CENPT: variants seen among roughly 807,000 people sequenced by gnomAD.
CENPT encodes the protein centromere protein T, also known as interphase centromere complex protein 22.
In CENPT, 42 loss-of-function variants were observed where a neutral mutation model predicts 59.7. The observed-to-expected ratio is 0.70, with a 90% CI of 0.55 to 0.91. The LOEUF is 0.91. CENPT is among the 40% of genes least tolerant of loss of function. The pLI, the probability that CENPT is intolerant of heterozygous loss-of-function variation, is 0.00. For missense variants in CENPT, 716 were observed against 713.4 expected (o/e 1.00, Z -0.04); for synonymous variants, 295 against 289.6 (o/e 1.02, Z -0.19).
At chr16:67,831,054 C>G in intron 10 of CENPT, 162 bp downstream of exon 10, 1 of 881,480 alleles carries the variant, frequency 1.1e-6, no homozygotes, top group Non-Finnish European at 1.8e-6. Context: ...AAGAGGCCCC[C>G]TGTAGAAAGC....
intron 1 of CENPT, chr16:67,841,667 T>C (rs1257827652): frequency 6.6e-6 from 1 of 152,268 alleles, no homozygotes; most frequent in Non-Finnish European, 1.5e-5. Context: ...AGGAGCCCAG[T>C]CGGTCTGACT....
intron 1 of CENPT, among the ~76,000 whole-genome samples, chr16:67,839,115 G>T (rs969414624): frequency 6.6e-6 from 1 of 151,512 alleles, no homozygotes; most frequent in Non-Finnish European, 1.5e-5. Flanking sequence ...GGTCGGGTGC[G>T]GTGGCTCACG....
chr16:67,831,097 A>C, intron 10 of CENPT, 119 bp downstream of exon 10: 8 of 1,311,296 alleles, frequency 6.1e-6, no homozygotes, highest in Non-Finnish European at 6.5e-6. Context: ...CACTGACCAG[A>C]GTTGCTCGCT....
intron 3 of CENPT, 146 bp downstream of exon 3, chr16:67,835,026 A>G (rs987525537): frequency 6.6e-6 from 1 of 152,270 alleles, no homozygotes; most frequent in East Asian, 1.9e-4. Context: ...TTTTAAGTAG[A>G]GACAGGGTTT....
At chr16:67,831,919 G>A (rs1162562085) in intron 7 of CENPT, 29 bp from the exon 8 acceptor site, 1 of 1,603,496 alleles carries the variant, frequency 6.2e-7, no homozygotes. Flanking sequence ...TCTCAGACAG[G>A]CCAGGAAGTC....
chr16:67,843,018 C>G lies in CENPT; in HGVS notation c.-492+4383G>C, dbSNP rs763038750. ...CCGAACCTGGTATCTGCTTCCGCGGCCGTGCTTCTCACCCTTCAGGCCACT... is the reference window on the plus strand; with the variant it reads ...CCGAACCTGGTATCTGCTTCCGCGGGCGTGCTTCTCACCCTTCAGGCCACT... On this transcript the variant is annotated intron_variant, in intron 1 of 15. Transcript: ENST00000562787. This position sits in a 1 kb window ranked among gnomAD's most constrained non-coding sequence, Gnocchi z 5.7. 9.3e-6 allele frequency: 15 copies of G among 1,612,608 alleles called. 1 individual carries two copies. The South Asian group carries it at 1.5e-4, about 17-fold the overall frequency.
chr16:67,834,390 T>C (rs896245068), intron 3 of CENPT, among the ~76,000 whole-genome samples: 2 of 152,156 alleles, frequency 1.3e-5, no homozygotes, highest in African/African-American at 4.8e-5. Context: ...GGAGGATAGC[T>C]TGAGCTCAGG....
At chr16:67,830,677 G>A in intron 10 of CENPT, 129 bp from the exon 11 acceptor site, 1 of 909,476 alleles carries the variant, frequency 1.1e-6, no homozygotes, top group Non-Finnish European at 1.7e-6. Flanking sequence ...GGCTGCATGG[G>A]TCCACCCTGA....
rs2151285137 is a variant in CENPT, at chr16:67,831,569, G to A, written c.560+7C>T. ...ACTCCCAGAACAGGAAACACCCAGA[G>A]CAGCACCTGGTGAGGGAAGAGGCAT... On this transcript the variant is annotated splice_region_variant and intron_variant, in intron 9 of 15. Coordinates refer to ENST00000562787, the MANE Select transcript of CENPT (RefSeq NM_025082.4). 1 of 1,614,068 alleles carries A rather than the reference G, an allele frequency of 6.2e-7. No individual in the cohort carries two copies. Among genetic ancestry groups the A allele is most frequent in the Non-Finnish European group, 8.5e-7 (1 of 1,179,944 alleles).
chr16:67,843,095 A>T lies in CENPT; in HGVS notation c.-492+4306T>A. On this transcript the variant is annotated intron_variant, in intron 1 of 15. Transcript: ENST00000562787. This position sits in a 1 kb window ranked among gnomAD's most constrained non-coding sequence, Gnocchi z 5.7. ...CGTACAGCCGGCGCCCATCACTCCC[A>T]CTGGAGAAGACGTGAAGCCCATCGA... 2 of 1,610,690 alleles carry T rather than the reference A, an allele frequency of 1.2e-6. No individual in the cohort carries two copies. Among genetic ancestry groups the T allele is most frequent in the Non-Finnish European group, 1.7e-6 (2 of 1,179,916 alleles).
chr16:67,839,011 G>A (rs1009482324), intron 1 of CENPT, among the ~76,000 whole-genome samples: 1 of 152,048 alleles, frequency 6.6e-6, no homozygotes, highest in Non-Finnish European at 1.5e-5. Context: ...AGCACTTTAG[G>A]AGGCCAAGGT....
chr16:67,836,842 C>T (rs766301593), intron 1 of CENPT, among the ~76,000 whole-genome samples: 16 of 151,604 alleles, frequency 1.1e-4, no homozygotes, highest in African/African-American at 3.4e-4. Flanking sequence ...CAAAGGTTCA[C>T]GCCATTCTCC....
In CENPT at chr16:67,831,264, C is replaced by T. The variant is rs780167096; in HGVS notation, c.655G>A (p.Val219Met). Residue 219 changes from valine (V) to methionine (M), a missense_variant, in exon 10 of 16, where the codon GTG (valine) becomes ATG (methionine). Transcript: ENST00000562787. ...RRPPARRAVDVGAFLRDLRDT... is the reference protein window; with the variant it reads ...RRPPARRAVDMGAFLRDLRDT... Reference sequence around the variant, plus strand: ...CGCAGATCCCGCAAAAAGGCACCCACGTCTACAGCTCGGCGGGCTGGAGGT... The same window carrying T: ...CGCAGATCCCGCAAAAAGGCACCCATGTCTACAGCTCGGCGGGCTGGAGGT... 11 of 1,614,164 alleles carry T rather than the reference C, an allele frequency of 6.8e-6. No individual in the cohort carries two copies. Among genetic ancestry groups the T allele is most frequent in the Middle Eastern group, 1.7e-4 (1 of 6,060 alleles).
chr16:67,841,175 C>A (rs183202116), intron 1 of CENPT, among the ~76,000 whole-genome samples: 1 of 107,392 alleles, frequency 9.3e-6, no homozygotes, highest in African/African-American at 3.7e-5. Flanking sequence ...AGTCTGGCGA[C>A]ACAGTGAGAC....
At chr16:67,830,706 A>C (rs755011515) in intron 10 of CENPT, 158 bp from the exon 11 acceptor site, 13 of 682,548 alleles carry the variant, frequency 1.9e-5, no homozygotes, top group Admixed American at 6.2e-5. Context: ...CAGAGAAAGA[A>C]GACGACCTAG....
chr16:67,834,816 C>T lies in CENPT; in HGVS notation c.-242+356G>A, dbSNP rs377676626. On this transcript the variant is annotated intron_variant, in intron 3 of 15. Transcript: ENST00000562787. The stretch of plus-strand genomic sequence containing the variant: ...TCTATTAATGTTTTCCCCATTACCA[C>T]CACATCTAGCAAAATAAATAAATAA... Among the ~76,000 whole-genome samples, 189 of 152,254 alleles carry T rather than the reference C, an allele frequency of 1.2e-3. 2 individuals carry two copies. The Middle Eastern group carries it at 0.031, about 25-fold the overall frequency.
chr16:67,842,454 TCGCGCGGCGCCGCCCGTCGAGGGG>T lies in CENPT; in HGVS notation c.-492+4923_-492+4946del, dbSNP rs1490774928. 1.0e-6 allele frequency: 1 copy of T among 984,528 alleles called. No homozygotes were observed. Among genetic ancestry groups the T allele is most frequent in the Non-Finnish European group, 1.3e-6 (1 of 765,654 alleles). 61.0% of individuals were successfully genotyped at this position (984,528 alleles called of 1,614,324 possible). A position where few individuals can be genotyped will look rare whatever the true frequency, so the allele number is the denominator to read the frequency against. ...CAGTGGTGGGATACCACCCAAGGCC[TCGCGCGGCGCCGCCCGTCGAGGGG>T]CGGGCGGCGGCGTAGCCACTGGGCC... On this transcript the variant is annotated intron_variant, in intron 1 of 15. Transcript: ENST00000562787. The surrounding 1 kb of genome is among the most constrained non-coding windows in gnomAD (Gnocchi z 4.9).
At position 67,829,469 on chromosome 16, in the gene CENPT, G is replaced by T. The variant is rs532792883; in HGVS notation, c.1234C>A (p.Arg412=). The part of the protein sequence containing the change: ...SSTPESLQAR[R]HHQFLEPAPA... ...GCTGGCTCAAGAAACTGATGATGTC[G>T]CCTGGCCTGGAGAGACTCAGGGGTG... Residue 412 remains arginine, a synonymous_variant, in exon 13 of 16, where the codon CGA becomes AGA. Transcript: ENST00000562787. 10 of 1,585,104 alleles carry T rather than the reference G, an allele frequency of 6.3e-6. No individual in the cohort carries two copies. The East Asian group carries it at 1.8e-4, about 28-fold the overall frequency.
rs73593818 is a variant in CENPT, at chr16:67,842,118, G to A, written c.-492+5283C>T. 5,699 of 152,506 alleles carry A rather than the reference G, an allele frequency of 0.037. 347 individuals are homozygous for A. Among genetic ancestry groups the A allele is most frequent in the African/African-American group, 0.13 (5,414 of 41,570 alleles). The allele number at this position is 152,506 out of a possible 1,614,324, so 9.4% of individuals were successfully genotyped here. A position where few individuals can be genotyped will look rare whatever the true frequency, so the allele number is the denominator to read the frequency against. On this transcript the variant is annotated intron_variant, in intron 1 of 15. Coordinates refer to ENST00000562787, the MANE Select transcript of CENPT (RefSeq NM_025082.4). The surrounding 1 kb of genome is among the most constrained non-coding windows in gnomAD (Gnocchi z 4.9). ...GGTCCTCGTGAGGAGCAGTCCAGGC[G>A]ACAGCGTTCCAACCTAATACGCCTC...
Sources: allele counts gnomAD v4.1 joint callset (sites outside exome capture counted in the v4.1 genomes callset), GRCh38; gene constraint gnomAD v4.1.1; non-coding constraint Gnocchi (gnomAD v3.1); transcripts MANE v1.5; gene names NCBI Gene and HGNC (gene_info 2026-07-23, HGNC 2026-07-21).